The following ADAMTS6 variants were observed in gnomAD, a reference collection of about 807,000 sequenced individuals.
The protein encoded by ADAMTS6 is A disintegrin and metalloproteinase with thrombospondin motifs 6.
ADAMTS6 carries 23 observed loss-of-function variants against 144.3 expected under a neutral mutation model. The ratio of observed to expected loss-of-function variants is 0.16; its 90% CI spans 0.11 to 0.23. The LOEUF (loss-of-function observed/expected upper bound fraction) is 0.23, where lower values mean the gene tolerates loss of function less well. Ranked by LOEUF, ADAMTS6 falls within the 10% of genes least tolerant of loss-of-function variation. The probability of loss-of-function intolerance (pLI) is 1.00; values close to 1 mark genes in which losing one functional copy is unlikely to be tolerated. For missense variants in ADAMTS6, 999 were observed against 1,379.6 expected, an observed-to-expected ratio of 0.72 and a Z score of 4.37; for synonymous variants, 444 against 457.5, an observed-to-expected ratio of 0.97 and a Z score of 0.38.
intron 14 of ADAMTS6, among the ~76,000 whole-genome samples, chr5:65,254,937 T>A (rs886913525): frequency 2.0e-5 from 3 of 152,216 alleles, no homozygotes; most frequent in African/African-American, 7.2e-5. Context: ...TGGTACATAG[T>A]AGTGCTCAGT....
chr5:65,423,536 T>C (rs1756250624), intron 7 of ADAMTS6, among the ~76,000 whole-genome samples: 1 of 152,148 alleles, frequency 6.6e-6, no homozygotes, highest in Admixed American at 6.5e-5. Context: ...ATCTATAATT[T>C]AGCATTTTAG....
chr5:65,223,750 T>C (rs1757500228), intron 18 of ADAMTS6, among the ~76,000 whole-genome samples: 1 of 152,172 alleles, frequency 6.6e-6, no homozygotes, highest in African/African-American at 2.4e-5. Flanking sequence ...TTAGCTATTG[T>C]GAATAATGCT....
intron 7 of ADAMTS6, among the ~76,000 whole-genome samples, chr5:65,369,017 C>G (rs1750572748): frequency 6.6e-6 from 1 of 152,168 alleles, no homozygotes; most frequent in African/African-American, 2.4e-5. Context: ...GATCAAGGCA[C>G]TGCACTCCAG....
At chr5:65,317,432 T>G (rs1580375446) in intron 9 of ADAMTS6, among the ~76,000 whole-genome samples, 1 of 152,168 alleles carries the variant, frequency 6.6e-6, no homozygotes, top group East Asian at 1.9e-4. Context: ...TAATTAAACC[T>G]AAGACCCCAA....
At chr5:65,192,717 T>A (rs1755093655) in intron 21 of ADAMTS6, among the ~76,000 whole-genome samples, 1 of 151,830 alleles carries the variant, frequency 6.6e-6, no homozygotes, top group African/African-American at 2.4e-5. Context: ...TCATAGTCAC[T>A]TTACTACCTT....
rs1756637030 is a variant in ADAMTS6, at chr5:65,212,888, T to C, written c.2575+1906A>G. Among the ~76,000 whole-genome samples the C allele has an allele frequency of 2.6e-5, 4 of 152,350 alleles. No homozygotes were observed. The South Asian group carries it at 8.3e-4, about 32-fold the overall frequency. Reference sequence around the variant, plus strand: ...ACTTCAAATTATTTAAATTATTCTTTAATAAGTTTATCCCACCTTGCCTCA... The same window carrying C: ...ACTTCAAATTATTTAAATTATTCTTCAATAAGTTTATCCCACCTTGCCTCA... On this transcript the variant is annotated intron_variant, in intron 20 of 24. Coordinates refer to ENST00000381055, the MANE Select transcript of ADAMTS6 (RefSeq NM_197941.4).
At chr5:65,220,816 G>T (rs113092578) in intron 18 of ADAMTS6, among the ~76,000 whole-genome samples, 1,699 of 152,138 alleles carry the variant, frequency 0.011, 30 homozygotes, top group African/African-American at 0.038. Flanking sequence ...CATTTAAACT[G>T]TAAGCTTGTT....
intron 15 of ADAMTS6, among the ~76,000 whole-genome samples, chr5:65,241,779 A>T (rs1759213556): frequency 6.6e-6 from 1 of 152,162 alleles, no homozygotes; most frequent in Non-Finnish European, 1.5e-5. Context: ...ACTTACATAT[A>T]CCCTAAGGAA....
intron 23 of ADAMTS6, among the ~76,000 whole-genome samples, chr5:65,171,431 A>G (rs1753623405): frequency 6.6e-6 from 1 of 152,216 alleles, no homozygotes; most frequent in Non-Finnish European, 1.5e-5. Context: ...AACAGACTCA[A>G]TATACTTCCC....
intron 14 of ADAMTS6, among the ~76,000 whole-genome samples, chr5:65,256,733 G>T (rs1760689488): frequency 6.6e-6 from 1 of 151,836 alleles, no homozygotes; most frequent in Non-Finnish European, 1.5e-5. Flanking sequence ...ATATCATTAG[G>T]GTCTAAATGT....
At chr5:65,213,260 A>ATAT (rs111790134) in intron 20 of ADAMTS6, among the ~76,000 whole-genome samples, 41 of 151,812 alleles carry the variant, frequency 2.7e-4, no homozygotes, top group African/African-American at 9.9e-4. Flanking sequence ...ATTATTATTC[A>ATAT]TCTTTTTTGT....
intron 13 of ADAMTS6, among the ~76,000 whole-genome samples, chr5:65,261,476 A>T (rs1308115711): frequency 6.6e-6 from 1 of 152,006 alleles, no homozygotes. Context: ...TTATACTTTG[A>T]TTAATTTATA....
At chr5:65,196,104 A>G (rs1283830202) in intron 21 of ADAMTS6, among the ~76,000 whole-genome samples, 1 of 152,222 alleles carries the variant, frequency 6.6e-6, no homozygotes, top group African/African-American at 2.4e-5. Context: ...TAATCAACAG[A>G]AAGAGACTGA....
At position 65,466,965 on chromosome 5, in the gene ADAMTS6, C is replaced by A. The variant is rs189921095; in HGVS notation, c.462+3813G>T. The stretch of plus-strand genomic sequence containing the variant: ...GCTGACGCAGGAGAATGGCGTGGAC[C>A]CGGGAGGCGGAGCTTGCAGTGAGCC... On this transcript the variant is annotated intron_variant, in intron 3 of 24. Coordinates refer to ENST00000381055, the MANE Select transcript of ADAMTS6 (RefSeq NM_197941.4). 4.0e-3 allele frequency among the ~76,000 whole-genome samples: 610 copies of A among 151,688 alleles called. 5 individuals are homozygous for A. The highest frequency in any genetic ancestry group is 0.014 in the African/African-American group (560 of 41,340).
chr5:65,384,763 AG>A (rs1416583278), intron 7 of ADAMTS6, among the ~76,000 whole-genome samples: 1 of 152,200 alleles, frequency 6.6e-6, no homozygotes, highest in Non-Finnish European at 1.5e-5. Context: ...CCACATTTTT[AG>A]GTATTTGTTA....
At chr5:65,429,395 C>G (rs905090523) in intron 7 of ADAMTS6, among the ~76,000 whole-genome samples, 5 of 152,100 alleles carry the variant, frequency 3.3e-5, no homozygotes, top group African/African-American at 1.2e-4. Context: ...TTTCTGAAGG[C>G]TCCAGTGTCG....
At chr5:65,448,044 A>C (rs998386161) in intron 7 of ADAMTS6, among the ~76,000 whole-genome samples, 3 of 150,454 alleles carry the variant, frequency 2.0e-5, no homozygotes, top group African/African-American at 7.3e-5. Flanking sequence ...TAGTGATAAC[A>C]GTTATTCATT....
chr5:65,275,925 C>T (rs1762495290), intron 11 of ADAMTS6, among the ~76,000 whole-genome samples: 1 of 152,050 alleles, frequency 6.6e-6, no homozygotes, highest in Non-Finnish European at 1.5e-5. Flanking sequence ...CTGGATGATA[C>T]TCCTGATCTT....
chr5:65,341,468 A>G (rs1747817520), intron 7 of ADAMTS6, among the ~76,000 whole-genome samples: 3 of 151,994 alleles, frequency 2.0e-5, no homozygotes. Flanking sequence ...TAAGAAGAAA[A>G]GAGAGACGAC....
Sources: gnomAD v4.1 joint callset for allele counts (sites outside exome capture counted in the v4.1 genomes callset) on GRCh38, gnomAD v4.1.1 for gene constraint, MANE v1.5 for transcripts, NCBI Gene and HGNC (gene_info 2026-07-23, HGNC 2026-07-21) for gene names.